The following SETBP1 variants were observed in gnomAD, a reference collection of about 807,000 sequenced individuals.
SETBP1 encodes the protein SET binding protein 1.
Under a neutral mutation model 101.0 loss-of-function variants are expected in SETBP1, and 9 were observed. The ratio of observed to expected loss-of-function variants is 0.09; its 90% CI spans 0.05 to 0.16. The LOEUF is 0.16. Ranked by LOEUF, SETBP1 falls within the 10% of genes least tolerant of loss-of-function variation. The probability of loss-of-function intolerance (pLI) is 1.00; values close to 1 mark genes in which losing one functional copy is unlikely to be tolerated. For synonymous variants in SETBP1, 818 were observed against 788.5 expected (o/e 1.04, Z -0.63); for missense variants, 1,858 against 2,033.8 (o/e 0.91, Z 1.66).
chr18:44,939,574 TA>T (rs1299306363), intron 3 of SETBP1, among the ~76,000 whole-genome samples: 1 of 152,198 alleles, frequency 6.6e-6, no homozygotes, highest in Non-Finnish European at 1.5e-5. Flanking sequence ...TTCTCTTGGG[TA>T]AATATATGAG....
chr18:44,971,004 G>A (rs528924082), intron 4 of SETBP1, among the ~76,000 whole-genome samples: 46 of 151,864 alleles, frequency 3.0e-4, no homozygotes, highest in Non-Finnish European at 6.2e-4. Flanking sequence ...ATCTCCTAAT[G>A]CTATGCCTCC....
chr18:44,813,686 G>A (rs2071912113), intron 2 of SETBP1, among the ~76,000 whole-genome samples: 2 of 152,338 alleles, frequency 1.3e-5, no homozygotes, highest in Middle Eastern at 6.8e-3. Context: ...ACATGGTGAT[G>A]GATCCAGCTT....
At chr18:44,935,393 C>T (rs1322169515) in intron 3 of SETBP1, among the ~76,000 whole-genome samples, 1 of 152,130 alleles carries the variant, frequency 6.6e-6, no homozygotes, top group East Asian at 1.9e-4. Flanking sequence ...TTCCTCTGCT[C>T]TTTCTTATCT....
intron 2 of SETBP1, among the ~76,000 whole-genome samples, chr18:44,818,785 C>T (rs1219585599): frequency 6.6e-6 from 1 of 150,832 alleles, no homozygotes; most frequent in Non-Finnish European, 1.5e-5. Context: ...ACACACTCCT[C>T]ACCATCATAA....
chr18:44,893,790 CTTATT>C (rs1187385804), intron 3 of SETBP1, among the ~76,000 whole-genome samples: 1 of 152,004 alleles, frequency 6.6e-6, no homozygotes, highest in Non-Finnish European at 1.5e-5. Flanking sequence ...TCTTTAAACT[CTTATT>C]TTAACATGTG....
intron 4 of SETBP1, among the ~76,000 whole-genome samples, chr18:44,957,482 T>C (rs776696526): frequency 2.0e-5 from 3 of 152,180 alleles, no homozygotes; most frequent in Non-Finnish European, 4.4e-5. Context: ...TGTTGAGTAC[T>C]GTCCTCATGA....
intron 2 of SETBP1, among the ~76,000 whole-genome samples, chr18:44,715,668 T>A (rs770637476): frequency 1.3e-5 from 2 of 152,236 alleles, no homozygotes; most frequent in Admixed American, 1.3e-4. Flanking sequence ...AGTTCTGAAA[T>A]GTTAACAGTG....
intron 4 of SETBP1, among the ~76,000 whole-genome samples, chr18:44,972,800 T>C (rs887283908): frequency 2.0e-5 from 3 of 152,220 alleles, no homozygotes; most frequent in Non-Finnish European, 4.4e-5. Context: ...GTTTTCTACA[T>C]ATACAAACAT....
chr18:44,970,072 T>A (rs1260008605), intron 4 of SETBP1: 2 of 154,834 alleles, frequency 1.3e-5, no homozygotes, highest in African/African-American at 4.8e-5. Context: ...TTCATGTGCA[T>A]TTTCTCCTTT....
chr18:44,797,833 T>C (rs909966313), intron 2 of SETBP1, among the ~76,000 whole-genome samples: 2 of 152,190 alleles, frequency 1.3e-5, no homozygotes, highest in Admixed American at 1.3e-4. Context: ...ACTTTTGCAT[T>C]GACTTCCCAA....
chr18:44,910,707 A>G (rs2070287090), intron 3 of SETBP1, among the ~76,000 whole-genome samples: 1 of 152,134 alleles, frequency 6.6e-6, no homozygotes, highest in Non-Finnish European at 1.5e-5. Flanking sequence ...AGGGGGTTTT[A>G]TCTATTTTAC....
chr18:44,736,745 A>T (rs2069977561), intron 2 of SETBP1, among the ~76,000 whole-genome samples: 1 of 152,236 alleles, frequency 6.6e-6, no homozygotes, highest in Admixed American at 6.5e-5. Flanking sequence ...CATAACCCAC[A>T]GTGCACTTAG....
At chr18:44,702,627 T>A (rs2069136594) in intron 2 of SETBP1, among the ~76,000 whole-genome samples, 1 of 152,188 alleles carries the variant, frequency 6.6e-6, no homozygotes, top group Admixed American at 6.5e-5. Context: ...TATTAAAAAA[T>A]TTGAGTTAAT....
In SETBP1 at chr18:44,785,932, G is replaced by A. The variant is rs560709329; in HGVS notation, c.487-83298G>A. 3.9e-5 allele frequency among the ~76,000 whole-genome samples: 6 copies of A among 152,240 alleles called. 1 individual carries two copies. Among genetic ancestry groups the A allele is most frequent in the Admixed American group, 3.9e-4 (6 of 15,276 alleles). On this transcript the variant is annotated intron_variant, in intron 2 of 5. Transcript: ENST00000649279. ...TCAAAGCATTATCTTATGCAAGTAA[G>A]CTCTAATTTGACTCTTTTATTTTTC...
intron 3 of SETBP1, among the ~76,000 whole-genome samples, chr18:44,883,139 A>G (rs1006793356): frequency 5.3e-5 from 8 of 152,202 alleles, no homozygotes; most frequent in African/African-American, 1.7e-4. Context: ...GAAAATATTC[A>G]GTGATTTATC....
chr18:44,695,544 T>C (rs181498900), intron 1 of SETBP1, among the ~76,000 whole-genome samples: 56 of 152,348 alleles, frequency 3.7e-4, no homozygotes, highest in Admixed American at 1.8e-3. Context: ...AGTTCTAGCC[T>C]GAGAATTATC....
chr18:44,757,318 G>A (rs2070519943), intron 2 of SETBP1, among the ~76,000 whole-genome samples: 1 of 152,194 alleles, frequency 6.6e-6, no homozygotes, highest in South Asian at 2.1e-4. Flanking sequence ...CTCCATTAGT[G>A]GTTTACCAAC....
At chr18:44,799,778 C>G (rs1055814388) in intron 2 of SETBP1, among the ~76,000 whole-genome samples, 1 of 152,130 alleles carries the variant, frequency 6.6e-6, no homozygotes, top group African/African-American at 2.4e-5. Flanking sequence ...ATGGAGGAAG[C>G]TGGGAAAACA....
chr18:44,988,924 G>A (rs887202967), intron 4 of SETBP1: 2 of 152,116 alleles, frequency 1.3e-5, no homozygotes, highest in Non-Finnish European at 2.9e-5. Context: ...GAAAATTTTA[G>A]TTTAAAATTC....
Sources: gnomAD v4.1 joint callset for allele counts (sites outside exome capture counted in the v4.1 genomes callset) on GRCh38, gnomAD v4.1.1 for gene constraint, MANE v1.5 for transcripts, NCBI Gene and HGNC (gene_info 2026-07-23, HGNC 2026-07-21) for gene names.